FARP2: variants seen among roughly 807,000 people sequenced by gnomAD.
FARP2 encodes the protein FERM, ARH/RhoGEF and pleckstrin domain protein 2.
In FARP2, 111 loss-of-function variants were observed where a neutral mutation model predicts 130.5. That is an observed-to-expected ratio of 0.85 (90% confidence interval 0.73 to 1.00). FARP2 has a LOEUF of 1.00. FARP2 is among the 50% of genes least tolerant of loss of function. FARP2 has a pLI of 0.00. For missense variants in FARP2, 1,385 were observed against 1,346.3 expected (o/e 1.03, Z -0.45); for synonymous variants, 504 against 516.9 (o/e 0.98, Z 0.34).
At chr2:241,419,111 C>T (rs900712303) in intron 8 of FARP2, among the ~76,000 whole-genome samples, 20 of 152,168 alleles carry the variant, frequency 1.3e-4, no homozygotes, top group African/African-American at 4.8e-4. Flanking sequence ...CTCATCAAGC[C>T]ATGTTTATTA....
chr2:241,366,315 G>T (rs879306704), intron 1 of FARP2, among the ~76,000 whole-genome samples: 1 of 151,370 alleles, frequency 6.6e-6, no homozygotes, highest in Non-Finnish European at 1.5e-5. Context: ...GAAGTGTTGA[G>T]AATCAGTTAT....
intron 2 of FARP2, among the ~76,000 whole-genome samples, chr2:241,376,160 CAT>C (rs2061531733): frequency 6.6e-6 from 1 of 152,148 alleles, no homozygotes; most frequent in Admixed American, 6.5e-5. Flanking sequence ...GTTGGAACCT[CAT>C]GTGCAGAATC....
intron 21 of FARP2, among the ~76,000 whole-genome samples, chr2:241,484,830 C>A (rs2064711945): frequency 6.6e-6 from 1 of 152,158 alleles, no homozygotes; most frequent in Admixed American, 6.5e-5. Context: ...GTTCTCAGGT[C>A]ATGGGGAGAC....
In FARP2 at chr2:241,448,488, G is replaced by A. The variant is rs1011781190; in HGVS notation, c.1411+6932G>A. On this transcript the variant is annotated intron_variant, in intron 13 of 26. Transcript: ENST00000264042. ...TTTAATAGTTTGTTTTCGGGACCTT[G>A]CCTCCATTGTTCCAATAGAAAGATT... 1.1e-4 allele frequency among the ~76,000 whole-genome samples: 17 copies of A among 152,130 alleles called. 1 individual carries two copies. Among genetic ancestry groups the A allele is most frequent in the Non-Finnish European group, 2.9e-5 (2 of 68,026 alleles).
intron 13 of FARP2, chr2:241,444,459 A>C (rs1483672283): frequency 6.6e-6 from 1 of 152,210 alleles, no homozygotes; most frequent in Non-Finnish European, 1.5e-5. Flanking sequence ...TGATGCTGTG[A>C]ACTAACAAAG....
At chr2:241,430,973 C>A (rs1364261877) in intron 8 of FARP2, among the ~76,000 whole-genome samples, 2 of 151,304 alleles carry the variant, frequency 1.3e-5, no homozygotes, top group African/African-American at 4.9e-5. Flanking sequence ...GCACTCCAGC[C>A]TAGGTGATAG....
chr2:241,425,852 C>A, intron 8 of FARP2, among the ~76,000 whole-genome samples: 1 of 143,612 alleles, frequency 7.0e-6, no homozygotes. Flanking sequence ...TATTTCCAAA[C>A]TAATTCTTTT....
intron 13 of FARP2, chr2:241,443,166 TGG>T: frequency 4.8e-6 from 1 of 208,860 alleles, no homozygotes; most frequent in Non-Finnish European, 9.7e-6. Context: ...AGAGTCCCAC[TGG>T]GACTCTGGGG....
chr2:241,484,281 G>C lies in FARP2; in HGVS notation c.2371G>C (p.Gly791Arg), dbSNP rs760972249. Residue 791 changes from glycine to arginine, a missense_variant, in exon 21 of 27, where the codon GGG (glycine) becomes CGG (arginine). Physicochemically the swap from Gly to Arg is moderately radical, Grantham distance 125. Transcript: ENST00000264042. Reference sequence around the variant, plus strand: ...GCTGTACACAAGCAAAGGAGTTGCAGGGACCAGCCACTTCCGGATCCGGGG... The same window carrying C: ...GCTGTACACAAGCAAAGGAGTTGCACGGACCAGCCACTTCCGGATCCGGGG... Reference protein sequence around the residue: ...MLLYTSKGVAGTSHFRIRGLL... With the variant: ...MLLYTSKGVARTSHFRIRGLL... 2 of 1,614,180 alleles carry C rather than the reference G, an allele frequency of 1.2e-6. No homozygotes were observed. Among genetic ancestry groups the C allele is most frequent in the Non-Finnish European group, 1.7e-6 (2 of 1,180,014 alleles).
intron 1 of FARP2, among the ~76,000 whole-genome samples, chr2:241,357,196 A>G (rs543453447): frequency 6.6e-6 from 1 of 152,362 alleles, no homozygotes; most frequent in African/African-American, 2.4e-5. Flanking sequence ...CCCAAGGCCA[A>G]ATCTTTAAAG....
chr2:241,475,922 C>A lies in FARP2; in HGVS notation c.2197C>A (p.Leu733Met). The change falls in exon 19 of 27, where the codon CTG (leucine) becomes ATG (methionine). Residue 733 changes from leucine (L) to methionine (M), a missense_variant. Coordinates refer to ENST00000264042, the MANE Select transcript of FARP2 (RefSeq NM_014808.4). This position sits in a 1 kb window ranked among gnomAD's most constrained non-coding sequence, Gnocchi z 4.4. The part of the protein sequence containing the change: ...LQHILIRLEN[L>M]QKLTELQRDL... ...GCACATTCTCATCCGGCTGGAGAAC[C>A]TGCAGAAGCTAACGGAGCTGCAGCG... is the stretch of plus-strand genomic sequence containing the variant. The A allele has an allele frequency of 6.2e-7, 1 of 1,614,080 alleles. No individual in the cohort carries two copies. Among genetic ancestry groups the A allele is most frequent in the Non-Finnish European group, 8.5e-7 (1 of 1,179,962 alleles).
chr2:241,473,122 G>A (rs1490289603), intron 18 of FARP2, among the ~76,000 whole-genome samples: 1 of 151,518 alleles, frequency 6.6e-6, no homozygotes, highest in African/African-American at 2.4e-5. Context: ...TGGGGATCCT[G>A]TTCTATGAGG....
At chr2:241,392,042 G>T (rs181877563) in intron 2 of FARP2, among the ~76,000 whole-genome samples, 1 of 152,348 alleles carries the variant, frequency 6.6e-6, no homozygotes, top group East Asian at 1.9e-4. Context: ...CAAAGAAGCA[G>T]CAAAGTTGAA....
Position 241,483,497 on chromosome 2 carries a change from C to T in FARP2, c.2295C>T (p.Leu765=). ...EFIREGCLHK[L]TKKGLQQRMF... Reference sequence around the variant, plus strand: ...TCCGTGAGGGCTGCCTTCACAAGCTCACCAAGAAGGGCCTGCAGCAGAGGA... The same window carrying T: ...TCCGTGAGGGCTGCCTTCACAAGCTTACCAAGAAGGGCCTGCAGCAGAGGA... The change falls in exon 20 of 27, where the codon CTC becomes CTT. Residue 765 remains leucine, a synonymous_variant. Transcript: ENST00000264042. 1 of 1,614,254 alleles carries T rather than the reference C, an allele frequency of 6.2e-7. No individual in the cohort carries two copies. The highest frequency in any genetic ancestry group is 8.5e-7 in the Non-Finnish European group (1 of 1,180,026).
intron 8 of FARP2, among the ~76,000 whole-genome samples, chr2:241,419,252 C>G (rs1161808606): frequency 6.6e-6 from 1 of 152,046 alleles, no homozygotes; most frequent in Non-Finnish European, 1.5e-5. Flanking sequence ...CAATAAAAAT[C>G]CATGATAGAG....
In FARP2 at chr2:241,468,241, G is replaced by A. The variant is rs770344714; in HGVS notation, c.1995G>A (p.Glu665=). 2.5e-6 allele frequency: 4 copies of A among 1,613,980 alleles called. No individual in the cohort carries two copies. Among genetic ancestry groups the A allele is most frequent in the East Asian group, 4.5e-5 (2 of 44,904 alleles). ...TGGAGGCAGTGTACAAGGAGTTTGA[G>A]CTGCAGAAGGTCTGCTACTTGCCTC... ...KKLEAVYKEF[E]LQKVCYLPLN... is the part of the protein sequence containing the mutation. Residue 665 remains glutamate, a synonymous_variant, in exon 18 of 27, where the codon GAG becomes GAA. Transcript: ENST00000264042.
chr2:241,416,222 A>ATG (rs2150369771), intron 7 of FARP2, among the ~76,000 whole-genome samples: 1 of 151,998 alleles, frequency 6.6e-6, no homozygotes, highest in South Asian at 2.1e-4. Flanking sequence ...GTGTCTCTGC[A>ATG]TGTGTGTGTC....
chr2:241,425,915 G>T (rs1574799782), intron 8 of FARP2, among the ~76,000 whole-genome samples: 1 of 148,580 alleles, frequency 6.7e-6, no homozygotes, highest in African/African-American at 2.5e-5. Context: ...CAGTTTCCCC[G>T]AGCATTTGGC....
intron 14 of FARP2, among the ~76,000 whole-genome samples, chr2:241,461,334 C>T (rs781552843): frequency 3.6e-4 from 40 of 111,844 alleles, no homozygotes; most frequent in Non-Finnish European, 7.6e-4. Flanking sequence ...CACCGGCAGC[C>T]TCTCTGCCCT....
Sources: gnomAD v4.1 joint callset for allele counts (sites outside exome capture counted in the v4.1 genomes callset) on GRCh38, gnomAD v4.1.1 for gene constraint, Gnocchi (gnomAD v3.1) non-coding constraint, MANE v1.5 for transcripts, NCBI Gene and HGNC (gene_info 2026-07-23, HGNC 2026-07-21) for gene names.